Variants in MIDEAS observed in about 807,000 individuals in gnomAD.
The protein encoded by MIDEAS is mitotic deacetylase-associated SANT domain protein.
A neutral mutation model predicts 102.7 loss-of-function variants in MIDEAS; 26 were observed. The ratio of observed to expected loss-of-function variants is 0.25; its 90% confidence interval spans 0.19 to 0.35. The LOEUF (loss-of-function observed/expected upper bound fraction) is 0.35. Ranked by LOEUF, MIDEAS falls within the 10% of genes least tolerant of loss-of-function variation. The pLI is 1.00. For synonymous variants in MIDEAS, 585 were observed against 591.0 expected, an observed-to-expected ratio of 0.99 and a Z score of 0.15; for missense variants, 1,231 against 1,435.6, an observed-to-expected ratio of 0.86 and a Z score of 2.30.
chr14:73,752,289 T>C (rs1445520182), intron 1 of MIDEAS, among the ~76,000 whole-genome samples: 1 of 152,170 alleles, frequency 6.6e-6, no homozygotes, highest in African/African-American at 2.4e-5. Context: ...AGCAGAGCTA[T>C]AGTGACGGCC....
chr14:73,761,012 G>A (rs2053549548), upstream of MIDEAS, among the ~76,000 whole-genome samples: 1 of 152,172 alleles, frequency 6.6e-6, no homozygotes, highest in African/African-American at 2.4e-5. Flanking sequence ...CATTCAATGG[G>A]GCTCTAGGGC....
At position 73,726,888 on chromosome 14, in the gene MIDEAS, A is replaced by G. The variant is rs2053068269; in HGVS notation, c.2247T>C (p.Ala749=). 1.2e-6 allele frequency: 2 copies of G among 1,613,660 alleles called. No individual in the cohort carries two copies. The highest frequency in any genetic ancestry group is 1.7e-6 in the Non-Finnish European group (2 of 1,179,730). ...RALAAADPHK[A]DLVWQPWEDL... ...CCTCCCATGGCTGCCACACCAAGTCAGCCTTGTGGGGATCTGCAGCTGCCA... is the reference window on the plus strand; with the variant it reads ...CCTCCCATGGCTGCCACACCAAGTCGGCCTTGTGGGGATCTGCAGCTGCCA... The change falls in exon 6 of 13, where the codon GCT becomes GCC. Residue 749 remains alanine (A), a synonymous_variant. Transcript: ENST00000423556.
At chr14:73,784,320 C>T (rs533694075) in intron 1 of MIDEAS, among the ~76,000 whole-genome samples, 1 of 152,194 alleles carries the variant, frequency 6.6e-6, no homozygotes, top group Non-Finnish European at 1.5e-5. Context: ...AACTTCGGGG[C>T]AAGCTCCCTG....
intron 1 of MIDEAS, among the ~76,000 whole-genome samples, chr14:73,783,621 G>A (rs977470999): frequency 2.6e-5 from 4 of 152,180 alleles, no homozygotes; most frequent in South Asian, 2.1e-4. Flanking sequence ...GCCTTTATCC[G>A]AAGCTTATTC....
intron 1 of MIDEAS, among the ~76,000 whole-genome samples, chr14:73,768,192 A>G (rs1310564685): frequency 2.6e-5 from 4 of 152,074 alleles, no homozygotes; most frequent in Non-Finnish European, 5.9e-5. Flanking sequence ...TAAAAAATAC[A>G]TGCTTGAGAT....
At chr14:73,750,549 G>A (rs2053407487) in intron 1 of MIDEAS, among the ~76,000 whole-genome samples, 1 of 152,214 alleles carries the variant, frequency 6.6e-6, no homozygotes, top group Non-Finnish European at 1.5e-5. Context: ...GGACTGCAGA[G>A]GTGAGCTGGA....
intron 1 of MIDEAS, among the ~76,000 whole-genome samples, chr14:73,772,664 TAATA>T (rs2053651942): frequency 6.6e-6 from 1 of 152,108 alleles, no homozygotes; most frequent in Non-Finnish European, 1.5e-5. Context: ...ATTAAAAAAA[TAATA>T]AATAGATATC....
intron 1 of MIDEAS, among the ~76,000 whole-genome samples, chr14:73,768,965 G>A (rs558556951): frequency 6.8e-4 from 103 of 152,192 alleles, no homozygotes; most frequent in African/African-American, 2.1e-3. Context: ...CCCAGGCCAC[G>A]AGTCACTGTC....
chr14:73,780,781 C>T (rs550884718), intron 1 of MIDEAS, among the ~76,000 whole-genome samples: 26 of 152,184 alleles, frequency 1.7e-4, no homozygotes, highest in Non-Finnish European at 2.9e-4. Flanking sequence ...AGTAAGTAAT[C>T]TTGTTGGCCA....
At chr14:73,782,515 A>C (rs2053766206) in intron 1 of MIDEAS, among the ~76,000 whole-genome samples, 1 of 152,110 alleles carries the variant, frequency 6.6e-6, no homozygotes, top group Non-Finnish European at 1.5e-5. Context: ...TTTTTTACAG[A>C]GAAGGGGTCT....
At chr14:73,745,669 T>G (rs2053341963) in intron 1 of MIDEAS, among the ~76,000 whole-genome samples, 1 of 152,034 alleles carries the variant, frequency 6.6e-6, no homozygotes, top group Admixed American at 6.6e-5. Flanking sequence ...TAGACAAACC[T>G]TCCCTCTGGA....
At chr14:73,730,277 C>G (rs1444730148) in intron 3 of MIDEAS, 3 of 547,504 alleles carry the variant, frequency 5.5e-6, no homozygotes, top group Non-Finnish European at 1.0e-5. Flanking sequence ...TTAAAACTAA[C>G]TGTATAAAAT....
At chr14:73,783,991 G>A (rs113480934) in intron 1 of MIDEAS, among the ~76,000 whole-genome samples, 80 of 152,314 alleles carry the variant, frequency 5.3e-4, no homozygotes, top group Non-Finnish European at 9.7e-4. Context: ...CTGGGCCTGG[G>A]CAGCCTCCCT....
chr14:73,728,692 A>G (rs1225438352), intron 4 of MIDEAS: 1 of 152,232 alleles, frequency 6.6e-6, no homozygotes, highest in Non-Finnish European at 1.5e-5. Flanking sequence ...AGAACAGACC[A>G]TGGTGTCCTG....
In MIDEAS at chr14:73,725,458, T is replaced by C. The variant is rs2053048269; in HGVS notation, c.2486-98A>G. 6 of 962,538 alleles carry C rather than the reference T, an allele frequency of 6.2e-6. No homozygotes were observed. The highest frequency in any genetic ancestry group is 5.2e-5 in the South Asian group (4 of 76,284). The allele number at this position is 962,538 out of a possible 1,614,324, so 59.6% of individuals were successfully genotyped here. A position where few individuals can be genotyped will look rare whatever the true frequency, so the allele number is the denominator to read the frequency against. On this transcript the variant is annotated intron_variant, in intron 8 of 12. Coordinates refer to ENST00000423556, the MANE Select transcript of MIDEAS (RefSeq NM_001367710.1). This position sits in a 1 kb window ranked among gnomAD's most constrained non-coding sequence, Gnocchi z 4.1. ...AAAAAAGTGTGAGGCCATCCGCCCATGGTTTCTGCAGGCATCAGAGCCGGC... is the reference window on the plus strand; with the variant it reads ...AAAAAAGTGTGAGGCCATCCGCCCACGGTTTCTGCAGGCATCAGAGCCGGC...
rs990629630 is a variant in MIDEAS at position 73,739,059 on chromosome 14, A to G, written c.950T>C (p.Met317Thr). ...APYPFPPNPD[M>T]NPELRKALLQ... ...AAGGGCCTTGCGCAGTTCTGGGTTCATATCTGGGTTGGGGGGGAAGGGGTA... is the reference window on the plus strand; with the variant it reads ...AAGGGCCTTGCGCAGTTCTGGGTTCGTATCTGGGTTGGGGGGGAAGGGGTA... The change falls in exon 2 of 13, where the codon ATG becomes ACG. Residue 317 changes from methionine to threonine, a missense_variant. By Grantham distance (81) the Met-to-Thr change is moderately conservative. Coordinates refer to ENST00000423556, the MANE Select transcript of MIDEAS (RefSeq NM_001367710.1). The G allele has an allele frequency of 3.2e-6, 5 of 1,567,194 alleles. No homozygotes were observed. The highest frequency in any genetic ancestry group is 4.3e-6 in the Non-Finnish European group (5 of 1,153,642).
At chr14:73,773,266 A>G (rs552934585) in intron 1 of MIDEAS, among the ~76,000 whole-genome samples, 1 of 151,894 alleles carries the variant, frequency 6.6e-6, no homozygotes, top group Non-Finnish European at 1.5e-5. Context: ...CACTTTTCCC[A>G]GCTCCTCAGC....
intron 3 of MIDEAS, among the ~76,000 whole-genome samples, chr14:73,736,450 T>C (rs922172169): frequency 6.6e-6 from 1 of 151,782 alleles, no homozygotes; most frequent in African/African-American, 2.4e-5. Flanking sequence ...GCTAACATGG[T>C]GAAACCCCAT....
At chr14:73,765,050 G>C (rs1409919151), upstream of MIDEAS, among the ~76,000 whole-genome samples, 1 of 152,254 alleles carries the variant, frequency 6.6e-6, no homozygotes, top group Non-Finnish European at 1.5e-5. Flanking sequence ...CACAGACCGA[G>C]AGCTGCCAAC....
Sources: allele counts gnomAD v4.1 joint callset (sites outside exome capture counted in the v4.1 genomes callset), GRCh38; gene constraint gnomAD v4.1.1; non-coding constraint Gnocchi (gnomAD v3.1); transcripts MANE v1.5; gene names NCBI Gene and HGNC (gene_info 2026-07-23, HGNC 2026-07-21).